The following TOM1L2 variants were observed in gnomAD, a reference collection of about 807,000 sequenced individuals.
TOM1L2 encodes the protein target of myb1 like 2 membrane trafficking protein, also known as TOM1-like protein 2.
Under a neutral mutation model 67.9 loss-of-function variants are expected in TOM1L2, and 31 were observed. The observed-to-expected ratio is 0.46, with a 90% CI of 0.34 to 0.62. The LOEUF (loss-of-function observed/expected upper bound fraction) is 0.62, where lower values mean the gene tolerates loss of function less well. TOM1L2 is among the 20% of genes least tolerant of loss of function. The pLI, the probability that TOM1L2 is intolerant of heterozygous loss-of-function variation, is 0.01. For synonymous variants in TOM1L2, 256 were observed against 254.0 expected (o/e 1.01, Z -0.07); for missense variants, 606 against 663.5 (o/e 0.91, Z 0.95).
chr17:17,853,364 A>G (rs1264781081), intron 12 of TOM1L2, among the ~76,000 whole-genome samples: 1 of 152,198 alleles, frequency 6.6e-6, no homozygotes, highest in East Asian at 1.9e-4. Flanking sequence ...AAAAGCTACA[A>G]CAAAGACATT....
intron 12 of TOM1L2, chr17:17,859,567 C>T (rs1266161917): frequency 6.6e-6 from 1 of 152,268 alleles, no homozygotes; most frequent in Non-Finnish European, 1.5e-5. Context: ...GGCATTGCCC[C>T]ATGGAGCAGC....
chr17:17,912,460 C>T (rs1336405082), intron 1 of TOM1L2, among the ~76,000 whole-genome samples: 2 of 151,580 alleles, frequency 1.3e-5, no homozygotes, highest in East Asian at 3.9e-4. Context: ...GGTCTCCTCA[C>T]TTCTCAGACG....
intron 4 of TOM1L2, among the ~76,000 whole-genome samples, chr17:17,885,142 T>C (rs924982740): frequency 6.6e-6 from 1 of 152,226 alleles, no homozygotes; most frequent in Non-Finnish European, 1.5e-5. Flanking sequence ...AGCTGGAGCC[T>C]TGTCAGCTCA....
At chr17:17,860,906 C>A (rs1313918901) in intron 12 of TOM1L2, among the ~76,000 whole-genome samples, 2 of 152,226 alleles carry the variant, frequency 1.3e-5, no homozygotes, top group Non-Finnish European at 2.9e-5. Flanking sequence ...CCCTCCCAGC[C>A]ACCACCCAAC....
At chr17:17,937,543 C>T (rs1330193269) in intron 1 of TOM1L2, among the ~76,000 whole-genome samples, 1 of 152,152 alleles carries the variant, frequency 6.6e-6, no homozygotes, top group Non-Finnish European at 1.5e-5. Flanking sequence ...TTTGTGTCAC[C>T]AGTGGGGGAG....
chr17:17,895,283 T>C (rs909579764), intron 3 of TOM1L2, among the ~76,000 whole-genome samples: 6 of 152,154 alleles, frequency 3.9e-5, no homozygotes, highest in African/African-American at 1.4e-4. Flanking sequence ...CTCAAAACGA[T>C]GTCACCAGCA....
intron 4 of TOM1L2, among the ~76,000 whole-genome samples, chr17:17,885,299 C>T (rs1481585907): frequency 1.3e-5 from 2 of 152,224 alleles, no homozygotes; most frequent in Admixed American, 6.5e-5. Flanking sequence ...TTCCTCAGAT[C>T]AGAGACAACT....
intron 1 of TOM1L2, among the ~76,000 whole-genome samples, chr17:17,936,149 G>A (rs749282889): frequency 1.3e-5 from 2 of 152,076 alleles, no homozygotes; most frequent in Non-Finnish European, 2.9e-5. Context: ...CCCTCCCTTC[G>A]GCCTCTGGCC....
At chr17:17,850,106 C>T (rs1216786064) in intron 13 of TOM1L2, among the ~76,000 whole-genome samples, 1 of 152,148 alleles carries the variant, frequency 6.6e-6, no homozygotes, top group Non-Finnish European at 1.5e-5. Flanking sequence ...ACAGAGGAGG[C>T]ACCTAGGAGG....
intron 4 of TOM1L2, among the ~76,000 whole-genome samples, chr17:17,892,006 T>C (rs576888169): frequency 1.3e-4 from 20 of 152,254 alleles, no homozygotes; most frequent in Non-Finnish European, 2.1e-4. Flanking sequence ...GGACAGCATG[T>C]CCCTGGGTTC....
At chr17:17,884,556 A>G in intron 5 of TOM1L2, 78 bp downstream of exon 5, 1 of 1,583,466 alleles carries the variant, frequency 6.3e-7, no homozygotes, top group East Asian at 2.2e-5. Context: ...CAAAGGCAGC[A>G]GCAGAAGGGT....
intron 5 of TOM1L2, among the ~76,000 whole-genome samples, chr17:17,883,181 C>T (rs1267840980): frequency 6.6e-6 from 1 of 152,150 alleles, no homozygotes. Context: ...AAGACCACCT[C>T]GGGATCCAAG....
chr17:17,850,603 AAG>A (rs903886432), intron 13 of TOM1L2, among the ~76,000 whole-genome samples: 2 of 152,170 alleles, frequency 1.3e-5, no homozygotes, highest in African/African-American at 4.8e-5. Context: ...GGGGGAAGGC[AAG>A]TGTGTGTTTT....
At chr17:17,877,931 T>C (rs751533252) in intron 7 of TOM1L2, among the ~76,000 whole-genome samples, 10 of 151,394 alleles carry the variant, frequency 6.6e-5, no homozygotes, top group South Asian at 4.2e-4. Context: ...GAAGTATTCC[T>C]GCTGTCTGGG....
chr17:17,881,593 G>A (rs967825128), intron 6 of TOM1L2, among the ~76,000 whole-genome samples: 1 of 152,178 alleles, frequency 6.6e-6, no homozygotes, highest in Non-Finnish European at 1.5e-5. Flanking sequence ...CAGCACTTGG[G>A]TAGCCACAAT....
chr17:17,925,632 A>C (rs553620760), intron 1 of TOM1L2, among the ~76,000 whole-genome samples: 2 of 149,156 alleles, frequency 1.3e-5, no homozygotes, highest in Non-Finnish European at 3.0e-5. Context: ...TCTTGAGCTC[A>C]GGAGTTCAAG....
chr17:17,848,874 G>C lies in TOM1L2; in HGVS notation c.1339-15C>G, dbSNP rs755236976. ...TCATCACCCTTCTGTGGGAGGAGCA[G>C]AGAAAATGAAATTAGGGCACTGGTC... On this transcript the variant is annotated splice_polypyrimidine_tract_variant and intron_variant, in intron 13 of 14. Transcript: ENST00000379504. The C allele has an allele frequency of 1.2e-6, 2 of 1,614,052 alleles. No individual in the cohort carries two copies. The highest frequency in any genetic ancestry group is 2.2e-5 in the East Asian group (1 of 44,892).
intron 13 of TOM1L2, 74 bp from the exon 14 acceptor site, chr17:17,848,933 C>T (rs1224223525): frequency 1.8e-5 from 28 of 1,520,172 alleles, no homozygotes; most frequent in Non-Finnish European, 2.3e-5. Context: ...TCTGTCTGCC[C>T]ATGGCCACCC....
At chr17:17,941,411 G>A (rs554671519) in intron 1 of TOM1L2, among the ~76,000 whole-genome samples, 14 of 151,910 alleles carry the variant, frequency 9.2e-5, no homozygotes, top group Non-Finnish European at 1.9e-4. Context: ...TTAAAATCTT[G>A]GTTTTAAACA....
Sources: gnomAD v4.1 joint callset for allele counts (sites outside exome capture counted in the v4.1 genomes callset) on GRCh38, gnomAD v4.1.1 for gene constraint, MANE v1.5 for transcripts, NCBI Gene and HGNC (gene_info 2026-07-23, HGNC 2026-07-21) for gene names.